Variants in MCC observed in about 807,000 individuals in gnomAD.
MCC encodes colorectal mutant cancer protein.
MCC carries 90 observed loss-of-function variants against 116.2 expected under a neutral mutation model. The observed-to-expected ratio is 0.77, with a 90% confidence interval of 0.65 to 0.92. The LOEUF (loss-of-function observed/expected upper bound fraction) is 0.92. Among genes scored for constraint, MCC ranks in the 40% least tolerant of loss-of-function variants. The pLI, the probability that MCC is intolerant of heterozygous loss-of-function variation, is 0.00. For missense variants in MCC, 1,516 were observed against 1,312.2 expected, an observed-to-expected ratio of 1.16 and a Z score of -2.40; for synonymous variants, 578 against 510.5, an observed-to-expected ratio of 1.13 and a Z score of -1.78.
chr5:113,400,251 T>A (rs1386543904), intron 1 of MCC, among the ~76,000 whole-genome samples: 1 of 149,718 alleles, frequency 6.7e-6, no homozygotes, highest in Non-Finnish European at 1.5e-5. Flanking sequence ...GCCTCCCGAG[T>A]AGCTGGAATT....
At chr5:113,388,774 C>A (rs910962462) in intron 1 of MCC, among the ~76,000 whole-genome samples, 1 of 152,106 alleles carries the variant, frequency 6.6e-6, no homozygotes, top group South Asian at 2.1e-4. Flanking sequence ...TTTACAGCCA[C>A]GCAAGAATAG....
At chr5:113,030,862 T>C (rs1462145442) in intron 17 of MCC, among the ~76,000 whole-genome samples, 1 of 151,890 alleles carries the variant, frequency 6.6e-6, no homozygotes, top group Non-Finnish European at 1.5e-5. Context: ...CTGAAGGGGG[T>C]TGATGGGAGG....
intron 3 of MCC, among the ~76,000 whole-genome samples, chr5:113,223,176 G>A (rs1763614342): frequency 6.6e-6 from 1 of 152,198 alleles, no homozygotes; most frequent in Admixed American, 6.5e-5. Context: ...CTGAGAGGCA[G>A]GCAGGAGATT....
At chr5:113,192,702 A>G (rs1015841683) in intron 3 of MCC, among the ~76,000 whole-genome samples, 4 of 152,242 alleles carry the variant, frequency 2.6e-5, no homozygotes, top group African/African-American at 9.6e-5. Context: ...TGCAAAGCAC[A>G]CAACACAGTC....
chr5:113,066,747 G>A (rs1240260871), intron 13 of MCC, among the ~76,000 whole-genome samples: 2 of 152,224 alleles, frequency 1.3e-5, no homozygotes, highest in African/African-American at 2.4e-5. Flanking sequence ...TGCCTGGATG[G>A]TGACTTTCTT....
chr5:113,101,813 T>C lies in MCC; in HGVS notation c.1324A>G (p.Lys442Glu), dbSNP rs1756431910. 1 of 1,613,508 alleles carries C rather than the reference T, an allele frequency of 6.2e-7. No homozygotes were observed. The highest frequency in any genetic ancestry group is 1.3e-5 in the African/African-American group (1 of 74,916). The change falls in exon 8 of 19, where the codon AAA becomes GAA. Residue 442 changes from lysine (K) to glutamate (E), a missense_variant. By Grantham distance (56) the Lys-to-Glu change is moderately conservative (BLOSUM62 1). Coordinates refer to ENST00000408903, the MANE Select transcript of MCC (RefSeq NM_001085377.2). The part of the protein sequence containing the change: ...NESLTAMLCS[K>E]EEELNRTKAT... ...TTAGTCCGGTTCAGTTCTTCCTCTT[T>C]GCTGCACAGCATGGCAGTCAGGCTC...
chr5:113,093,420 C>G (rs1755779307), intron 8 of MCC, among the ~76,000 whole-genome samples: 2 of 152,042 alleles, frequency 1.3e-5, no homozygotes, highest in African/African-American at 4.8e-5. Context: ...GCATTCCAGC[C>G]TGGGCAACAT....
intron 3 of MCC, among the ~76,000 whole-genome samples, chr5:113,262,318 GA>G (rs1241828679): frequency 6.7e-6 from 1 of 149,062 alleles, no homozygotes; most frequent in African/African-American, 2.4e-5. Context: ...CAGGTTGAAA[GA>G]AAAAAAAACA....
rs373927779 is a variant in MCC, at chr5:113,302,658, G to A, written c.627+37861C>T. Among the ~76,000 whole-genome samples the A allele has an allele frequency of 3.9e-5, 6 of 152,314 alleles. No homozygotes were observed. The East Asian group carries it at 9.6e-4, about 24-fold the overall frequency. ...CATGATGTCTGGGATTCATGTCAAA[G>A]TACTAGAGGAGGTGGGAAGACAGGG... is the stretch of plus-strand genomic sequence containing the variant. On this transcript the variant is annotated intron_variant, in intron 3 of 18. Coordinates refer to ENST00000408903, the MANE Select transcript of MCC (RefSeq NM_001085377.2).
intron 3 of MCC, among the ~76,000 whole-genome samples, chr5:113,285,184 T>C (rs1766201539): frequency 6.6e-6 from 1 of 152,162 alleles, no homozygotes; most frequent in Non-Finnish European, 1.5e-5. Flanking sequence ...TTTGGGAATA[T>C]ACACAGGCTT....
intron 2 of MCC, among the ~76,000 whole-genome samples, chr5:113,351,026 C>T (rs1266491445): frequency 1.3e-5 from 2 of 151,982 alleles, no homozygotes; most frequent in African/African-American, 2.4e-5. Context: ...ATCCAAAAGA[C>T]AGGCAATAAT....
At chr5:113,372,853 A>G (rs979785049) in intron 2 of MCC, among the ~76,000 whole-genome samples, 3 of 152,064 alleles carry the variant, frequency 2.0e-5, no homozygotes, top group Non-Finnish European at 2.9e-5. Context: ...CACTGAGCCC[A>G]GCCTAAAACA....
intron 3 of MCC, among the ~76,000 whole-genome samples, chr5:113,262,496 G>C (rs555524421): frequency 2.6e-4 from 39 of 152,142 alleles, no homozygotes; most frequent in African/African-American, 8.2e-4. Flanking sequence ...TTTAAAAGAT[G>C]GTACCAAATA....
intron 3 of MCC, among the ~76,000 whole-genome samples, chr5:113,187,055 A>G (rs1334824696): frequency 6.6e-6 from 1 of 152,220 alleles, no homozygotes; most frequent in Non-Finnish European, 1.5e-5. Flanking sequence ...TATAAGATAC[A>G]GGATACTTTG....
chr5:113,405,110 T>C (rs530093694), intron 1 of MCC, among the ~76,000 whole-genome samples: 2 of 152,254 alleles, frequency 1.3e-5, no homozygotes, highest in Non-Finnish European at 2.9e-5. Flanking sequence ...GTCAGCATCC[T>C]GATATCTAAA....
intron 2 of MCC, among the ~76,000 whole-genome samples, chr5:113,363,557 G>A (rs1450200769): frequency 7.2e-5 from 11 of 152,074 alleles, no homozygotes; most frequent in Non-Finnish European, 1.5e-5. Flanking sequence ...GTACCAAAGG[G>A]GGATGGTGCT....
At chr5:113,254,078 A>G (rs1232671506) in intron 3 of MCC, among the ~76,000 whole-genome samples, 4 of 152,242 alleles carry the variant, frequency 2.6e-5, no homozygotes, top group Admixed American at 6.5e-5. Context: ...AAATGTCACA[A>G]TATCTTGATA....
At chr5:113,249,649 T>C (rs1316672590) in intron 3 of MCC, among the ~76,000 whole-genome samples, 5 of 152,184 alleles carry the variant, frequency 3.3e-5, no homozygotes, top group Non-Finnish European at 5.9e-5. Context: ...GCTGTCTCTG[T>C]ATATCTGTGT....
intron 1 of MCC, among the ~76,000 whole-genome samples, chr5:113,468,337 T>C (rs1474808050): frequency 6.6e-6 from 1 of 152,198 alleles, no homozygotes; most frequent in Non-Finnish European, 1.5e-5. Context: ...ATAGCTCTTA[T>C]TATTTTGAGA....
Sources: gnomAD v4.1 joint callset for allele counts (sites outside exome capture counted in the v4.1 genomes callset) on GRCh38, gnomAD v4.1.1 for gene constraint, MANE v1.5 for transcripts, NCBI Gene and HGNC (gene_info 2026-07-23, HGNC 2026-07-21) for gene names.